The following IL1RAPL2 variants were observed in gnomAD, a reference collection of about 807,000 sequenced individuals.
IL1RAPL2 encodes the protein X-linked interleukin-1 receptor accessory protein-like 2.
A neutral mutation model predicts 44.1 loss-of-function variants in IL1RAPL2; 3 were observed. The observed-to-expected ratio is 0.07, with a 90% confidence interval of 0.03 to 0.18. The LOEUF (loss-of-function observed/expected upper bound fraction) is 0.18. Ranked by LOEUF, IL1RAPL2 falls within the 10% of genes least tolerant of loss-of-function variation. IL1RAPL2 has a pLI of 1.00. For missense variants in IL1RAPL2, 391 were observed against 496.4 expected, an observed-to-expected ratio of 0.79 and a Z score of 2.02; for synonymous variants, 181 against 178.8, an observed-to-expected ratio of 1.01 and a Z score of -0.10.
At chrX:104,646,806 C>T (rs1930048725) in intron 1 of IL1RAPL2, among the ~76,000 whole-genome samples, 1 of 111,390 alleles carries the variant, frequency 9.0e-6, no homozygotes, top group Admixed American at 9.5e-5. Flanking sequence ...GCAATGACTT[C>T]TGGTCACAAA....
At chrX:104,582,874 C>CTTTCTTTCT (rs1569487730) in intron 1 of IL1RAPL2, among the ~76,000 whole-genome samples, 4 of 16,502 alleles carry the variant, frequency 2.4e-4, no homozygotes, top group African/African-American at 1.2e-3. Context: ...CTTTCTTTTT[C>CTTTCTTTCT]TTTTCTTTTC....
intron 2 of IL1RAPL2, among the ~76,000 whole-genome samples, chrX:105,035,202 A>G (rs1278968350): frequency 9.0e-6 from 1 of 111,638 alleles, no homozygotes; most frequent in Non-Finnish European, 1.9e-5. Context: ...GAGTGAGGCA[A>G]TGCCTTATCC....
intron 2 of IL1RAPL2, among the ~76,000 whole-genome samples, chrX:104,782,600 C>A (rs1932780396): frequency 9.0e-6 from 1 of 111,667 alleles, no homozygotes; most frequent in South Asian, 3.8e-4. Context: ...ATAACCTGAA[C>A]CATCAAGTTA....
At chrX:105,170,489 A>T (rs1364622388) in intron 2 of IL1RAPL2, among the ~76,000 whole-genome samples, 2 of 111,858 alleles carry the variant, frequency 1.8e-5, no homozygotes, top group Non-Finnish European at 3.8e-5. Flanking sequence ...TAACTAGATG[A>T]TGTTAGATAC....
At chrX:105,291,791 T>C (rs954275533) in intron 5 of IL1RAPL2, among the ~76,000 whole-genome samples, 8 of 111,769 alleles carry the variant, frequency 7.2e-5, no homozygotes, top group African/African-American at 2.6e-4. Flanking sequence ...TCATGGGTTC[T>C]ACAAGTTCAA....
chrX:105,004,657 T>C (rs1440039838), intron 2 of IL1RAPL2, among the ~76,000 whole-genome samples: 1 of 111,009 alleles, frequency 9.0e-6, no homozygotes, highest in African/African-American at 3.3e-5. Context: ...AATTTTATTT[T>C]TATCAAATTA....
At chrX:105,657,758 C>T (rs1388942365) in intron 6 of IL1RAPL2, among the ~76,000 whole-genome samples, 7 of 111,281 alleles carry the variant, frequency 6.3e-5, no homozygotes, top group East Asian at 2.8e-4. Flanking sequence ...GGATTACAGG[C>T]GCCCACCTCC....
chrX:104,931,980 A>T (rs199933879), intron 2 of IL1RAPL2, among the ~76,000 whole-genome samples: 1 of 28,080 alleles, frequency 3.6e-5, no homozygotes. Context: ...GTGTGTTTGT[A>T]TATATATATA....
At chrX:104,849,891 T>A (rs1472172354) in intron 2 of IL1RAPL2, among the ~76,000 whole-genome samples, 1 of 111,423 alleles carries the variant, frequency 9.0e-6, no homozygotes, top group African/African-American at 3.3e-5. Flanking sequence ...ACAGAATTTT[T>A]AAAAGGGAAT....
At chrX:105,750,186 T>C (rs2147584892) in intron 9 of IL1RAPL2, among the ~76,000 whole-genome samples, 1 of 110,521 alleles carries the variant, frequency 9.0e-6, no homozygotes, top group Non-Finnish European at 1.9e-5. Flanking sequence ...TGGGTTTTAA[T>C]TGACTTTCAT....
chrX:104,769,213 A>G (rs1421833867), intron 2 of IL1RAPL2, among the ~76,000 whole-genome samples: 1 of 111,873 alleles, frequency 8.9e-6, no homozygotes, highest in Non-Finnish European at 1.9e-5. Flanking sequence ...ATCTCTCAAC[A>G]TAGCGTCTTG....
At chrX:105,056,395 T>C (rs73520247) in intron 2 of IL1RAPL2, among the ~76,000 whole-genome samples, 7,902 of 111,782 alleles carry the variant, frequency 0.071, 712 homozygotes, top group African/African-American at 0.24. Context: ...AGGTATTATG[T>C]AAAATCCAAA....
intron 2 of IL1RAPL2, among the ~76,000 whole-genome samples, chrX:105,063,355 T>C (rs1433520123): frequency 8.9e-6 from 1 of 112,742 alleles, no homozygotes; most frequent in Non-Finnish European, 1.9e-5. Context: ...AACAGCTATT[T>C]TGAATTCTCT....
intron 6 of IL1RAPL2, among the ~76,000 whole-genome samples, chrX:105,573,376 A>G (rs1331298989): frequency 1.8e-5 from 2 of 111,559 alleles, no homozygotes; most frequent in Non-Finnish European, 1.9e-5. Context: ...TTTTTAATTC[A>G]GTGGACTTAC....
chrX:105,484,243 A>G, intron 5 of IL1RAPL2, 70 bp from the exon 6 acceptor site: 1 of 784,636 alleles, frequency 1.3e-6, no homozygotes, highest in Admixed American at 2.2e-5. Flanking sequence ...AATATCATAC[A>G]TGATAGAATC....
intron 4 of IL1RAPL2, among the ~76,000 whole-genome samples, chrX:105,265,733 G>GA (rs1300991599): frequency 2.3e-5 from 2 of 86,488 alleles, no homozygotes; most frequent in Non-Finnish European, 3.8e-5. Context: ...TAACATGAAA[G>GA]AAAAAAAATG....
At chrX:105,045,382 G>A (rs189101640) in intron 2 of IL1RAPL2, among the ~76,000 whole-genome samples, 1 of 111,757 alleles carries the variant, frequency 8.9e-6, no homozygotes, top group Non-Finnish European at 1.9e-5. Context: ...AAAAATAACA[G>A]TGTAAGTGTA....
intron 2 of IL1RAPL2, among the ~76,000 whole-genome samples, chrX:104,934,190 C>T (rs1430788828): frequency 2.7e-5 from 3 of 109,424 alleles, no homozygotes; most frequent in Admixed American, 9.8e-5. Context: ...ACTCTTTCCT[C>T]ATATAAAACA....
intron 5 of IL1RAPL2, among the ~76,000 whole-genome samples, chrX:105,431,590 T>C (rs958077451): frequency 4.5e-5 from 5 of 111,305 alleles, no homozygotes; most frequent in Non-Finnish European, 7.6e-5. Flanking sequence ...CCTTAAAACA[T>C]TAAAAATCTC....
Sources: gnomAD v4.1 joint callset for allele counts (sites outside exome capture counted in the v4.1 genomes callset) on GRCh38, gnomAD v4.1.1 for gene constraint, MANE v1.5 for transcripts, NCBI Gene and HGNC (gene_info 2026-07-23, HGNC 2026-07-21) for gene names.